Variants in RYR3 observed in about 807,000 individuals in gnomAD.
RYR3 encodes brain ryanodine receptor-calcium release channel.
A neutral mutation model predicts 584.3 loss-of-function variants in RYR3; 207 were observed. The ratio of observed to expected loss-of-function variants is 0.35; its 90% CI spans 0.32 to 0.40. The LOEUF is 0.40. Among genes scored for constraint, RYR3 ranks in the 10% least tolerant of loss-of-function variants. The probability of loss-of-function intolerance (pLI) is 1.00; values close to 1 mark genes in which losing one functional copy is unlikely to be tolerated. For synonymous variants in RYR3, 2,416 were observed against 2,248.5 expected, an observed-to-expected ratio of 1.07 and a Z score of -2.11; for missense variants, 5,616 against 6,089.2, an observed-to-expected ratio of 0.92 and a Z score of 2.59.
chr15:33,609,852 A>G (rs1051002964), intron 18 of RYR3, among the ~76,000 whole-genome samples: 4 of 152,184 alleles, frequency 2.6e-5, no homozygotes, highest in Non-Finnish European at 5.9e-5. Context: ...TCTAAACTCC[A>G]TACAGTGAGC....
At chr15:33,807,791 C>A in intron 70 of RYR3, 1 of 583,078 alleles carries the variant, frequency 1.7e-6, no homozygotes, top group Non-Finnish European at 3.1e-6. Context: ...CAAGCCTCAC[C>A]CTAACCGAGG....
chr15:33,570,288 G>T (rs956624282), intron 12 of RYR3, among the ~76,000 whole-genome samples: 1 of 151,966 alleles, frequency 6.6e-6, no homozygotes, highest in Non-Finnish European at 1.5e-5. Flanking sequence ...ATATTTTTGC[G>T]TGTGGCCATA....
At chr15:33,561,563 A>G (rs2057399862) in intron 10 of RYR3, among the ~76,000 whole-genome samples, 2 of 152,214 alleles carry the variant, frequency 1.3e-5, no homozygotes, top group Non-Finnish European at 2.9e-5. Context: ...AACTTAGAAC[A>G]TTGTACTGAG....
chr15:33,627,081 C>T (rs1262335051), intron 20 of RYR3, among the ~76,000 whole-genome samples: 1 of 152,138 alleles, frequency 6.6e-6, no homozygotes, highest in African/African-American at 2.4e-5. Context: ...TTGCACCATG[C>T]ACCTGGAAAA....
In RYR3 at chr15:33,739,945, C is replaced by T; in HGVS notation, c.7770C>T (p.Ile2590=). The T allele has an allele frequency of 6.2e-7, 1 of 1,613,900 alleles. No individual in the cohort carries two copies. Among genetic ancestry groups the T allele is most frequent in the South Asian group, 1.1e-5 (1 of 91,056 alleles). ...TRITATLEKQ[I]SVDADGNFDP... ...TCACAGCCACGTTGGAGAAACAGAT[C>T]TCAGTGGATGCGGATGGCAACTTTG... is the stretch of plus-strand genomic sequence containing the variant. The change falls in exon 51 of 104, where the codon ATC becomes ATT. Residue 2590 remains isoleucine, a synonymous_variant. Coordinates refer to ENST00000634891, the MANE Select transcript of RYR3 (RefSeq NM_001036.6).
chr15:33,729,023 T>A lies in RYR3; in HGVS notation c.7200T>A (p.Asp2400Glu). 6.2e-7 allele frequency: 1 copy of A among 1,610,458 alleles called. No homozygotes were observed. The highest frequency in any genetic ancestry group is 8.5e-7 in the Non-Finnish European group (1 of 1,178,990). ...ACCTAAGAGCTTCTGCCTCTCTAGA[T>A]ACAGTAAGTTGCAAAAATAACAAAA... is the stretch of plus-strand genomic sequence containing the variant. ...LPDLRASASL[D>E]TVSLSTTEAA... Residue 2400 changes from aspartate (D) to glutamate (E), a missense_variant, in exon 47 of 104, where the codon GAT (aspartate) becomes GAA (glutamate). Transcript: ENST00000634891.
chr15:33,505,779 A>G (rs1369618140), intron 3 of RYR3, among the ~76,000 whole-genome samples: 4 of 152,188 alleles, frequency 2.6e-5, no homozygotes, highest in African/African-American at 7.2e-5. Context: ...AGTGTGAGCC[A>G]CCACGCCTGG....
intron 1 of RYR3, among the ~76,000 whole-genome samples, chr15:33,397,506 C>T (rs1393876204): frequency 6.6e-6 from 1 of 152,158 alleles, no homozygotes; most frequent in Non-Finnish European, 1.5e-5. Flanking sequence ...GGTCAGTGGT[C>T]TCTTTTCAGG....
chr15:33,792,753 A>G (rs2075238670), intron 67 of RYR3, among the ~76,000 whole-genome samples: 1 of 152,206 alleles, frequency 6.6e-6, no homozygotes, highest in Non-Finnish European at 1.5e-5. Flanking sequence ...TGATAGGGTG[A>G]ACACAGACAT....
At chr15:33,748,081 C>A in intron 53 of RYR3, 33 bp from the exon 54 acceptor site, 3 of 1,610,568 alleles carry the variant, frequency 1.9e-6, no homozygotes, top group Non-Finnish European at 2.5e-6. Context: ...GGGGTGTGTT[C>A]TGCAAAGTGC....
chr15:33,429,476 C>A (rs2044934626), intron 1 of RYR3, among the ~76,000 whole-genome samples: 1 of 152,224 alleles, frequency 6.6e-6, no homozygotes, highest in Non-Finnish European at 1.5e-5. Flanking sequence ...CTTTCTTTCT[C>A]TGGGCTTCTG....
intron 17 of RYR3, 95 bp downstream of exon 17, chr15:33,601,647 C>T (rs1181993901): frequency 2.2e-6 from 3 of 1,381,046 alleles, no homozygotes; most frequent in Non-Finnish European, 3.0e-6. Context: ...CCAAAGTTGC[C>T]CACCCATTGT....
intron 48 of RYR3, among the ~76,000 whole-genome samples, chr15:33,733,381 CTG>C (rs1194455633): frequency 2.0e-5 from 3 of 152,150 alleles, no homozygotes; most frequent in East Asian, 3.8e-4. Context: ...GATAAATAAA[CTG>C]TGGTACATCA....
chr15:33,821,155 T>C (rs190704163), intron 78 of RYR3, 115 bp from the exon 79 acceptor site: 9 of 749,808 alleles, frequency 1.2e-5, no homozygotes, highest in African/African-American at 1.0e-4. Flanking sequence ...TTTATCCAAG[T>C]TGATGTGTGT....
At chr15:33,767,369 C>A (rs2073178417) in intron 60 of RYR3, among the ~76,000 whole-genome samples, 1 of 152,190 alleles carries the variant, frequency 6.6e-6, no homozygotes, top group African/African-American at 2.4e-5. Context: ...TAATTTCACC[C>A]TAGATGGCTG....
chr15:33,378,589 T>C (rs1306570844), intron 1 of RYR3, among the ~76,000 whole-genome samples: 1 of 152,254 alleles, frequency 6.6e-6, no homozygotes, highest in Non-Finnish European at 1.5e-5. Context: ...GTGTTTTTTA[T>C]GGAATAACCA....
intron 75 of RYR3, among the ~76,000 whole-genome samples, chr15:33,818,241 G>A (rs1358316186): frequency 3.3e-5 from 5 of 152,140 alleles, no homozygotes; most frequent in African/African-American, 7.2e-5. Context: ...CTGAACTCGG[G>A]TGCCCAGAGC....
chr15:33,349,913 AG>A lies in RYR3; in HGVS notation c.51+38819del, dbSNP rs562580196. Among the ~76,000 whole-genome samples the A allele has an allele frequency of 3.2e-3, 493 of 152,126 alleles. 8 individuals are homozygous for A. The highest frequency in any genetic ancestry group is 1.8e-3 in the Admixed American group (27 of 15,290). On this transcript the variant is annotated intron_variant, in intron 1 of 103. Coordinates refer to ENST00000634891, the MANE Select transcript of RYR3 (RefSeq NM_001036.6). ...TCCAATCTCATCCATGTCCCTACAAAGGACATGAACTTATCATTTTTTATGG... is the reference window on the plus strand; with the variant it reads ...TCCAATCTCATCCATGTCCCTACAAAGACATGAACTTATCATTTTTTATGG...
chr15:33,499,117 C>G (rs558722132), intron 2 of RYR3, among the ~76,000 whole-genome samples: 1 of 152,120 alleles, frequency 6.6e-6, no homozygotes, highest in African/African-American at 2.4e-5. Context: ...TACCCAAGAC[C>G]CAGTCTAATA....
Sources: allele counts gnomAD v4.1 joint callset (sites outside exome capture counted in the v4.1 genomes callset), GRCh38; gene constraint gnomAD v4.1.1; transcripts MANE v1.5; gene names NCBI Gene and HGNC (gene_info 2026-07-23, HGNC 2026-07-21).